The following UBAC2 variants were observed in gnomAD, a reference collection of about 807,000 sequenced individuals.
UBAC2 encodes ubiquitin-associated domain-containing protein 2.
A neutral mutation model predicts 44.0 loss-of-function variants in UBAC2; 26 were observed. The observed-to-expected ratio is 0.59, with a 90% CI of 0.43 to 0.82. The LOEUF is 0.82. Ranked by LOEUF, UBAC2 falls within the 40% of genes least tolerant of loss-of-function variation. UBAC2 has a pLI of 0.00. For synonymous variants in UBAC2, 155 were observed against 154.3 expected (o/e 1.00, Z -0.04); for missense variants, 329 against 419.4 (o/e 0.78, Z 1.88).
At chr13:99,294,752 A>G (rs2138715465) in intron 4 of UBAC2, 1 of 211,474 alleles carries the variant, frequency 4.7e-6, no homozygotes, top group East Asian at 1.2e-4. Flanking sequence ...TTTGTTGGCA[A>G]GAAATAATAA....
At chr13:99,230,745 C>T (rs1298459171) in intron 1 of UBAC2, among the ~76,000 whole-genome samples, 43 of 152,146 alleles carry the variant, frequency 2.8e-4, no homozygotes, top group Admixed American at 2.8e-3. Flanking sequence ...CTGCCTCCCT[C>T]TTGCACTTAA....
chr13:99,378,224 A>T (rs948293775), intron 8 of UBAC2, among the ~76,000 whole-genome samples: 1 of 152,146 alleles, frequency 6.6e-6, no homozygotes, highest in East Asian at 1.9e-4. Context: ...CCCCTTATCG[A>T]TATTAAAAAC....
At chr13:99,373,286 GA>G (rs1207180302) in intron 8 of UBAC2, among the ~76,000 whole-genome samples, 4 of 151,378 alleles carry the variant, frequency 2.6e-5, no homozygotes, top group Non-Finnish European at 5.9e-5. Context: ...ACCAAAGGGG[GA>G]AAAACTCATC....
intron 4 of UBAC2, among the ~76,000 whole-genome samples, chr13:99,310,507 G>A (rs1442869899): frequency 3.9e-5 from 6 of 152,172 alleles, no homozygotes. Flanking sequence ...CATAAAATAA[G>A]GAAAAGAAAA....
intron 8 of UBAC2, among the ~76,000 whole-genome samples, chr13:99,375,801 C>CTTTTTT (rs34318354): frequency 7.2e-5 from 8 of 110,902 alleles, no homozygotes; most frequent in African/African-American, 1.1e-4. Context: ...TCCTTTTTCC[C>CTTTTTT]TTTTTTTTTT....
chr13:99,319,579 G>A (rs2044542213), intron 6 of UBAC2, among the ~76,000 whole-genome samples: 1 of 152,162 alleles, frequency 6.6e-6, no homozygotes, highest in South Asian at 2.1e-4. Flanking sequence ...TATGCTTGCA[G>A]CCAATATTCT....
At chr13:99,340,801 A>G (rs184613431) in intron 7 of UBAC2, among the ~76,000 whole-genome samples, 38 of 152,330 alleles carry the variant, frequency 2.5e-4, no homozygotes, top group Admixed American at 1.2e-3. Flanking sequence ...TGTTCCACCT[A>G]TATTAGATAA....
chr13:99,252,990 A>T (rs897361030), intron 4 of UBAC2, among the ~76,000 whole-genome samples: 5 of 151,802 alleles, frequency 3.3e-5, no homozygotes, highest in Admixed American at 3.3e-4. Flanking sequence ...GTAGGCTCTG[A>T]CTATGTATAT....
chr13:99,364,543 C>T (rs1326716061), intron 7 of UBAC2, among the ~76,000 whole-genome samples: 1 of 151,898 alleles, frequency 6.6e-6, no homozygotes, highest in Non-Finnish European at 1.5e-5. Flanking sequence ...GTGGGAAACT[C>T]TCCTTCCTTT....
intron 8 of UBAC2, chr13:99,377,205 C>T (rs1332323833): frequency 1.0e-5 from 1 of 99,222 alleles, no homozygotes; most frequent in East Asian, 2.6e-4. Context: ...CTGGTGCCAG[C>T]CCTCAAGGGA....
chr13:99,241,429 T>A (rs892868648), intron 2 of UBAC2, among the ~76,000 whole-genome samples: 4 of 152,136 alleles, frequency 2.6e-5, no homozygotes, highest in African/African-American at 9.7e-5. Flanking sequence ...TAAATGAGAA[T>A]GAGATTGATA....
At chr13:99,351,002 CAGTGT>C (rs1566516682) in intron 7 of UBAC2, among the ~76,000 whole-genome samples, 1 of 152,156 alleles carries the variant, frequency 6.6e-6, no homozygotes, top group African/African-American at 2.4e-5. Flanking sequence ...AGGAAGAAAA[CAGTGT>C]TGTTTTTCTT....
intron 7 of UBAC2, among the ~76,000 whole-genome samples, chr13:99,364,570 G>A (rs1594173638): frequency 6.6e-6 from 1 of 152,040 alleles, no homozygotes; most frequent in Non-Finnish European, 1.5e-5. Context: ...CTCTAGAGCA[G>A]TTTATATAAG....
intron 1 of UBAC2, among the ~76,000 whole-genome samples, chr13:99,211,030 AAAG>A: frequency 6.6e-6 from 1 of 152,338 alleles, no homozygotes; most frequent in South Asian, 2.1e-4. Context: ...CATAGAAGTG[AAAG>A]AAGGTTAAAT....
At chr13:99,268,326 A>G (rs1566477779) in intron 4 of UBAC2, among the ~76,000 whole-genome samples, 1 of 152,192 alleles carries the variant, frequency 6.6e-6, no homozygotes, top group Non-Finnish European at 1.5e-5. Flanking sequence ...TGAAACATAG[A>G]AGGAGGCCAG....
rs1566450182 is a variant in UBAC2, at chr13:99,215,298, C to T, written c.31+14359C>T. On this transcript the variant is annotated intron_variant, in intron 1 of 8. Coordinates refer to ENST00000403766, the MANE Select transcript of UBAC2 (RefSeq NM_001144072.2). ...ATTGTGTTTTTCACAGAAATATAGTCCACTGGCATCACCAACACTGGACAG... is the reference window on the plus strand; with the variant it reads ...ATTGTGTTTTTCACAGAAATATAGTTCACTGGCATCACCAACACTGGACAG... The T allele has an allele frequency of 5.3e-6, 4 of 759,786 alleles. No homozygotes were observed. The East Asian group carries it at 9.8e-5, about 19-fold the overall frequency. 47.1% of individuals were successfully genotyped at this position (759,786 alleles called of 1,614,324 possible). A position where few individuals can be genotyped will look rare whatever the true frequency, so the allele number is the denominator to read the frequency against.
chr13:99,237,470 T>C (rs1223240587), intron 1 of UBAC2, among the ~76,000 whole-genome samples: 2 of 152,060 alleles, frequency 1.3e-5, no homozygotes, highest in Non-Finnish European at 2.9e-5. Flanking sequence ...TTGGTGGTTA[T>C]CAGAGGCTGG....
intron 6 of UBAC2, among the ~76,000 whole-genome samples, chr13:99,321,477 T>C (rs1191764069): frequency 6.6e-6 from 1 of 152,038 alleles, no homozygotes; most frequent in Non-Finnish European, 1.5e-5. Context: ...CCCGGCTACT[T>C]TTTTTGTATT....
Position 99,385,777 on chromosome 13 carries a change from GT to G in UBAC2, c.*448del, listed in dbSNP as rs1166290508. 6.1e-6 allele frequency: 1 copy of G among 163,682 alleles called. No individual in the cohort carries two copies. Among genetic ancestry groups the G allele is most frequent in the East Asian group, 1.7e-4 (1 of 6,036 alleles). The allele number at this position is 163,682 out of a possible 1,614,324, so 10.1% of individuals were successfully genotyped here. On this transcript the variant is annotated 3_prime_UTR_variant, in exon 9 of 9. Transcript: ENST00000403766. ...TTCTTCATGGACTTTTTTAGTTACT[GT>G]TTTTTCTCTCAAACTTGTTTTCGAA... is the stretch of plus-strand genomic sequence containing the variant.
Sources: allele counts gnomAD v4.1 joint callset (sites outside exome capture counted in the v4.1 genomes callset), GRCh38; gene constraint gnomAD v4.1.1; transcripts MANE v1.5; gene names NCBI Gene and HGNC (gene_info 2026-07-23, HGNC 2026-07-21).